The following ADCY5 variants were observed in gnomAD, a reference collection of about 807,000 sequenced individuals.
The protein encoded by ADCY5 is adenylate cyclase 5.
ADCY5 carries 30 observed loss-of-function variants against 119.7 expected under a neutral mutation model. The ratio of observed to expected loss-of-function variants is 0.25; its 90% confidence interval spans 0.19 to 0.34. The LOEUF is 0.34. Among genes scored for constraint, ADCY5 ranks in the 10% least tolerant of loss-of-function variants. ADCY5 has a pLI of 1.00. For synonymous variants in ADCY5, 753 were observed against 762.2 expected (o/e 0.99, Z 0.20); for missense variants, 1,324 against 1,775.2 (o/e 0.75, Z 4.57).
chr3:123,400,906 T>C (rs923705985), intron 1 of ADCY5, among the ~76,000 whole-genome samples: 1 of 151,426 alleles, frequency 6.6e-6, no homozygotes, highest in Non-Finnish European at 1.5e-5. Flanking sequence ...ATCACGCCAC[T>C]GCACTCCAGC....
intron 1 of ADCY5, among the ~76,000 whole-genome samples, chr3:123,432,212 G>T (rs1018745917): frequency 6.6e-6 from 1 of 152,214 alleles, no homozygotes; most frequent in East Asian, 1.9e-4. Context: ...TCCTGGGACT[G>T]CTTTGAAAAG....
chr3:123,384,369 G>C (rs1277151379), intron 1 of ADCY5, among the ~76,000 whole-genome samples: 1 of 152,216 alleles, frequency 6.6e-6, no homozygotes, highest in African/African-American at 2.4e-5. Context: ...GAGCTACAGA[G>C]GCTCCTCTGG....
In ADCY5 at chr3:123,407,780, T is replaced by C. The variant is rs914775026; in HGVS notation, c.1134+39632A>G. ...GACCCTGTCTCAAAAAAAAAAAAAGTTGCAAAGTGAAAGAAGTCAGACACA... is the reference window on the plus strand; with the variant it reads ...GACCCTGTCTCAAAAAAAAAAAAAGCTGCAAAGTGAAAGAAGTCAGACACA... On this transcript the variant is annotated intron_variant, in intron 1 of 20. Transcript: ENST00000462833. Among the ~76,000 whole-genome samples the C allele has an allele frequency of 8.2e-5, 12 of 146,270 alleles. 1 individual carries two copies. The highest frequency in any genetic ancestry group is 1.5e-5 in the Non-Finnish European group (1 of 66,818).
intron 15 of ADCY5, 44 bp from the exon 16 acceptor site, chr3:123,297,426 C>T (rs1939588803): frequency 6.2e-7 from 1 of 1,604,178 alleles, no homozygotes; most frequent in African/African-American, 1.3e-5. Flanking sequence ...CACCCTTCTG[C>T]ATAAGGCGGC....
At position 123,295,867 on chromosome 3, in the gene ADCY5, C is replaced by T. The variant is rs115069901; in HGVS notation, c.3063+217G>A. On this transcript the variant is annotated intron_variant, in intron 17 of 20. Transcript: ENST00000462833. ...CACTGTCAGCATGGGTTTGTCTGCA[C>T]AGAGTAAGTCCCAGGGTTTTGCCTC... Among the ~76,000 whole-genome samples, 415 of 152,364 alleles carry T rather than the reference C, an allele frequency of 2.7e-3. 1 individual carries two copies. The highest frequency in any genetic ancestry group is 9.5e-3 in the African/African-American group (396 of 41,592).
At chr3:123,342,945 G>T (rs1445826736) in intron 3 of ADCY5, among the ~76,000 whole-genome samples, 1 of 152,190 alleles carries the variant, frequency 6.6e-6, no homozygotes, top group Non-Finnish European at 1.5e-5. Flanking sequence ...GCGGGGCTGG[G>T]GACCTTCCAT....
chr3:123,336,220 G>A (rs564759848), intron 3 of ADCY5, among the ~76,000 whole-genome samples: 6 of 151,858 alleles, frequency 4.0e-5, no homozygotes, highest in East Asian at 2.0e-4. Flanking sequence ...CCCACCCTCC[G>A]CCTCCCTGCC....
At chr3:123,340,069 C>T (rs1444463499) in intron 3 of ADCY5, among the ~76,000 whole-genome samples, 1 of 152,150 alleles carries the variant, frequency 6.6e-6, no homozygotes, top group Non-Finnish European at 1.5e-5. Context: ...GCAGGAGGAA[C>T]ACTTGAGCCC....
chr3:123,350,212 A>G (rs1051506907), intron 2 of ADCY5, among the ~76,000 whole-genome samples: 1 of 151,636 alleles, frequency 6.6e-6, no homozygotes, highest in Non-Finnish European at 1.5e-5. Flanking sequence ...CCCCTCCCCC[A>G]CTCGCTGAAA....
chr3:123,340,924 A>C (rs1443323939), intron 3 of ADCY5, among the ~76,000 whole-genome samples: 4 of 152,128 alleles, frequency 2.6e-5, no homozygotes, highest in African/African-American at 9.7e-5. Flanking sequence ...CAGGAGTTTG[A>C]GACCAGCCTG....
At chr3:123,422,505 T>C (rs1173050910) in intron 1 of ADCY5, among the ~76,000 whole-genome samples, 1 of 152,214 alleles carries the variant, frequency 6.6e-6, no homozygotes, top group African/African-American at 2.4e-5. Context: ...AAGGCTCTTA[T>C]ATACAGGTAG....
At chr3:123,434,656 C>T (rs186991427) in intron 1 of ADCY5, among the ~76,000 whole-genome samples, 1 of 152,298 alleles carries the variant, frequency 6.6e-6, no homozygotes, top group African/African-American at 2.4e-5. Flanking sequence ...GTCCAGGTCT[C>T]AACCCTAGGA....
intron 1 of ADCY5, among the ~76,000 whole-genome samples, chr3:123,355,385 C>T (rs533421463): frequency 6.6e-6 from 1 of 152,262 alleles, no homozygotes; most frequent in African/African-American, 2.4e-5. Flanking sequence ...GTAGGTTCAA[C>T]CAACCTTGGA....
intron 13 of ADCY5, among the ~76,000 whole-genome samples, 176 bp from the exon 14 acceptor site, chr3:123,303,395 T>G (rs1576544217): frequency 6.6e-6 from 1 of 152,274 alleles, no homozygotes; most frequent in East Asian, 1.9e-4. Flanking sequence ...CCAGCTGTCC[T>G]GGCTGGAGGG....
At chr3:123,422,288 G>T (rs1559873371) in intron 1 of ADCY5, among the ~76,000 whole-genome samples, 1 of 152,160 alleles carries the variant, frequency 6.6e-6, no homozygotes, top group Non-Finnish European at 1.5e-5. Context: ...AAAACTGAGG[G>T]TAGGCACAGT....
chr3:123,321,481 G>C (rs13058985), intron 8 of ADCY5, among the ~76,000 whole-genome samples: 129,514 of 152,050 alleles, frequency 0.85, 58,049 homozygotes, highest in Non-Finnish European at 0.99. Context: ...AGGGAGAGAT[G>C]TGTGTCGGGG....
chr3:123,301,647 A>G (rs970741455), intron 14 of ADCY5, among the ~76,000 whole-genome samples: 19 of 152,216 alleles, frequency 1.2e-4, no homozygotes, highest in African/African-American at 3.9e-4. Flanking sequence ...AGCCTCTCCC[A>G]CAAATGAGGA....
chr3:123,356,095 A>C (rs1182762666), intron 1 of ADCY5, among the ~76,000 whole-genome samples: 1 of 152,210 alleles, frequency 6.6e-6, no homozygotes, highest in Non-Finnish European at 1.5e-5. Context: ...GGATATCTAC[A>C]TGCAAAAGAA....
intron 12 of ADCY5, among the ~76,000 whole-genome samples, chr3:123,308,793 C>T (rs62262650): frequency 0.28 from 43,053 of 152,092 alleles, 7,777 homozygotes; most frequent in Non-Finnish European, 0.41. Flanking sequence ...CGTGCCACTG[C>T]ACTCCAGCCT....
Sources: gnomAD v4.1 joint callset for allele counts (sites outside exome capture counted in the v4.1 genomes callset) on GRCh38, gnomAD v4.1.1 for gene constraint, MANE v1.5 for transcripts, NCBI Gene and HGNC (gene_info 2026-07-23, HGNC 2026-07-21) for gene names.